The following TRPC4 variants were observed in gnomAD, a reference collection of about 807,000 sequenced individuals.
The protein encoded by TRPC4 is short transient receptor potential channel 4.
A neutral mutation model predicts 99.4 loss-of-function variants in TRPC4; 49 were observed. The ratio of observed to expected loss-of-function variants is 0.49; its 90% CI spans 0.39 to 0.63. TRPC4 has a LOEUF of 0.63. Among genes scored for constraint, TRPC4 ranks in the 20% least tolerant of loss-of-function variants. The probability of loss-of-function intolerance (pLI) is 0.00; values close to 1 mark genes in which losing one functional copy is unlikely to be tolerated. For synonymous variants in TRPC4, 454 were observed against 425.9 expected (o/e 1.07, Z -0.81); for missense variants, 898 against 1,152.9 (o/e 0.78, Z 3.20).
chr13:37,802,623 A>G (rs113098710), intron 1 of TRPC4, among the ~76,000 whole-genome samples: 4,916 of 152,176 alleles, frequency 0.032, 269 homozygotes, highest in African/African-American at 0.11. Context: ...CACTTGGTTA[A>G]GGTCATGTCT....
At chr13:37,796,958 A>ATAAAATAAAAT (rs1957266037) in intron 1 of TRPC4, among the ~76,000 whole-genome samples, 2 of 116,220 alleles carry the variant, frequency 1.7e-5, no homozygotes, top group Non-Finnish European at 3.4e-5. Context: ...ATAAAATAAA[A>ATAAAATAAAAT]TAAAATAAAA....
chr13:37,845,901 AAG>A (rs1566219046), intron 1 of TRPC4, among the ~76,000 whole-genome samples: 1 of 152,166 alleles, frequency 6.6e-6, no homozygotes, highest in East Asian at 1.9e-4. Context: ...ATCAAATACA[AAG>A]AAATAATACT....
intron 3 of TRPC4, among the ~76,000 whole-genome samples, chr13:37,711,507 A>G (rs1954483888): frequency 1.3e-5 from 2 of 151,994 alleles, no homozygotes; most frequent in Admixed American, 1.3e-4. Context: ...TTAAAGTTTT[A>G]TTCCCTGTGC....
chr13:37,754,306 C>CA (rs1367943975), intron 2 of TRPC4, among the ~76,000 whole-genome samples: 2 of 152,082 alleles, frequency 1.3e-5, no homozygotes, highest in Non-Finnish European at 2.9e-5. Context: ...ATTTTCCTAA[C>CA]ACATAAAATA....
At chr13:37,745,211 A>C (rs2139153469) in intron 3 of TRPC4, among the ~76,000 whole-genome samples, 2 of 151,700 alleles carry the variant, frequency 1.3e-5, no homozygotes, top group South Asian at 4.2e-4. Flanking sequence ...GTCCCCAAGC[A>C]TCTGTGGGGG....
At chr13:37,642,501 T>C (rs1951745719) in intron 8 of TRPC4, among the ~76,000 whole-genome samples, 1 of 152,132 alleles carries the variant, frequency 6.6e-6, no homozygotes, top group African/African-American at 2.4e-5. Flanking sequence ...TGCCTTTGTC[T>C]CTGGCTGAGC....
At chr13:37,842,811 A>G in intron 1 of TRPC4, among the ~76,000 whole-genome samples, 1 of 152,226 alleles carries the variant, frequency 6.6e-6, no homozygotes, top group Non-Finnish European at 1.5e-5. Flanking sequence ...TTCAGGTCAT[A>G]GAGCTTTTTG....
chr13:37,672,971 G>C (rs1366569197), intron 5 of TRPC4, among the ~76,000 whole-genome samples: 1 of 151,944 alleles, frequency 6.6e-6, no homozygotes, highest in African/African-American at 2.4e-5. Context: ...TATACTTTAA[G>C]TTCTAGGGTA....
chr13:37,692,071 C>A lies in TRPC4; in HGVS notation c.1162G>T (p.Asp388Tyr). The A allele has an allele frequency of 6.2e-7, 1 of 1,613,842 alleles. No homozygotes were observed. Among genetic ancestry groups the A allele is most frequent in the Non-Finnish European group, 8.5e-7 (1 of 1,179,900 alleles). ...CCTTGCCTGTTCAAGTCTGACCTGT[C>A]GATGTGCTGAGAGGCAAGCAGCAGC... ...FLLLLASQHIDRSDLNRQGPP... is the reference protein window; with the variant it reads ...FLLLLASQHIYRSDLNRQGPP... The change falls in exon 4 of 11, where the codon GAC (aspartate) becomes TAC (tyrosine). Residue 388 changes from aspartate (D) to tyrosine (Y), a missense_variant. By Grantham distance (160) the Asp-to-Tyr change is radical (BLOSUM62 -3). Around this residue, in one of 3 missense-constraint regions of TRPC4, gnomAD observed 274 missense variants for 454.9 expected, o/e 0.60. Coordinates refer to ENST00000379705, the MANE Select transcript of TRPC4 (RefSeq NM_016179.4).
At position 37,763,590 on chromosome 13, in the gene TRPC4, G is replaced by T. The variant is rs1032450018; in HGVS notation, c.379-17135C>A. ...CTTTAGAGTAAAACTAGCTGAAATGGTTATATGCTTTCCTCAGCCCTCTCT... is the reference window on the plus strand; with the variant it reads ...CTTTAGAGTAAAACTAGCTGAAATGTTTATATGCTTTCCTCAGCCCTCTCT... On this transcript the variant is annotated intron_variant, in intron 2 of 10. Transcript: ENST00000379705. 3.3e-5 allele frequency among the ~76,000 whole-genome samples: 5 copies of T among 151,772 alleles called. No individual in the cohort carries two copies. In the East Asian group the frequency reaches 5.8e-4, roughly 18 times the overall value.
chr13:37,741,946 A>AC (rs199994223), intron 3 of TRPC4, among the ~76,000 whole-genome samples: 4 of 151,490 alleles, frequency 2.6e-5, no homozygotes, highest in African/African-American at 4.9e-5. Flanking sequence ...AAAAAAAAAA[A>AC]CAGCAACAAA....
At chr13:37,815,396 A>G (rs563672470) in intron 1 of TRPC4, among the ~76,000 whole-genome samples, 2 of 151,890 alleles carry the variant, frequency 1.3e-5, no homozygotes, top group Admixed American at 1.3e-4. Context: ...AATGACACCC[A>G]TAGGTTCTAA....
intron 2 of TRPC4, among the ~76,000 whole-genome samples, chr13:37,755,642 T>G (rs1956078326): frequency 6.6e-6 from 1 of 151,726 alleles, no homozygotes; most frequent in Non-Finnish European, 1.5e-5. Context: ...GCTCAAATGA[T>G]CCTCCTACCT....
intron 3 of TRPC4, among the ~76,000 whole-genome samples, chr13:37,718,311 A>C (rs768459466): frequency 6.6e-6 from 1 of 151,624 alleles, no homozygotes; most frequent in African/African-American, 2.4e-5. Context: ...AAACAGACAA[A>C]ACTTGAAATG....
chr13:37,830,224 G>A (rs7997187), intron 1 of TRPC4, among the ~76,000 whole-genome samples: 4,932 of 152,084 alleles, frequency 0.032, 271 homozygotes, highest in African/African-American at 0.11. Context: ...GCACATAAAT[G>A]TGGTAAAATT....
Position 37,651,300 on chromosome 13 carries a change from T to C in TRPC4, c.2044A>G (p.Met682Val). The C allele has an allele frequency of 6.2e-7, 1 of 1,614,184 alleles. No homozygotes were observed. Among genetic ancestry groups the C allele is most frequent in the Non-Finnish European group, 8.5e-7 (1 of 1,179,988 alleles). Residue 682 changes from methionine to valine, a missense_variant, in exon 8 of 11, where the codon ATG becomes GTG. Physicochemically the swap from Met to Val is conservative, Grantham distance 21. Transcript: ENST00000379705. ...WIWTHLCKKK[M>V]RRKPESFGTI... ...CCAAAACTTTCTGGCTTTCTTCTCA[T>C]CTTTTTCTTGCACAAGTGTGTCCAG...
chr13:37,664,461 C>T (rs1952568581), intron 5 of TRPC4, among the ~76,000 whole-genome samples: 2 of 151,886 alleles, frequency 1.3e-5, no homozygotes. Context: ...GTAATCCCAG[C>T]TATTAGGGAG....
intron 5 of TRPC4, 57 bp from the exon 6 acceptor site, chr13:37,663,786 T>A: frequency 7.0e-7 from 1 of 1,429,448 alleles, no homozygotes; most frequent in South Asian, 1.3e-5. Context: ...TATAAATAGA[T>A]CAAGGTCAGA....
intron 3 of TRPC4, among the ~76,000 whole-genome samples, chr13:37,723,928 C>T (rs1054605134): frequency 6.6e-6 from 1 of 151,974 alleles, no homozygotes; most frequent in African/African-American, 2.4e-5. Context: ...GGAACTATTC[C>T]TTTCTAAAAA....
Sources: allele counts gnomAD v4.1 joint callset (sites outside exome capture counted in the v4.1 genomes callset), GRCh38; gene constraint gnomAD v4.1.1; regional missense constraint gnomAD v4.1.1; transcripts MANE v1.5; gene names NCBI Gene and HGNC (gene_info 2026-07-23, HGNC 2026-07-21).